Variants in GALNT13 observed in about 807,000 individuals in gnomAD.
The protein encoded by GALNT13 is UDP-GalNAc:polypeptide N-acetylgalactosaminyltransferase 13.
Under a neutral mutation model 64.2 loss-of-function variants are expected in GALNT13, and 28 were observed. That is an observed-to-expected ratio of 0.44 (90% confidence interval 0.32 to 0.60). The LOEUF (loss-of-function observed/expected upper bound fraction) is 0.60, where lower values mean the gene tolerates loss of function less well. GALNT13 is among the 20% of genes least tolerant of loss of function. GALNT13 has a pLI of 0.05. For missense variants in GALNT13, 577 were observed against 669.8 expected (o/e 0.86, Z 1.53); for synonymous variants, 214 against 224.6 (o/e 0.95, Z 0.42).
the GALNT13 span, among the ~76,000 whole-genome samples, chr2:153,403,924 T>C: frequency 1.3e-5 from 2 of 152,234 alleles, no homozygotes; most frequent in African/African-American, 4.8e-5. Flanking sequence ...AGACCGGAGC[T>C]GTTCCTATTC....
chr2:153,582,597 C>T, the GALNT13 span, among the ~76,000 whole-genome samples: 1 of 151,968 alleles, frequency 6.6e-6, no homozygotes, highest in East Asian at 1.9e-4. Context: ...ATGATTTTTG[C>T]TTTCTACCAT....
At chr2:153,550,401 T>A in the GALNT13 span, among the ~76,000 whole-genome samples, 1 of 143,254 alleles carries the variant, frequency 7.0e-6, no homozygotes, top group Non-Finnish European at 1.5e-5. Context: ...CACTCAGCTA[T>A]TTTTTTTTTT....
At chr2:153,616,945 T>C in the GALNT13 span, among the ~76,000 whole-genome samples, 1 of 151,924 alleles carries the variant, frequency 6.6e-6, no homozygotes, top group Admixed American at 6.6e-5. Context: ...ACCAGATATA[T>C]AAAGCAAATA....
At chr2:154,304,554 A>C (rs1263561238) in intron 9 of GALNT13, among the ~76,000 whole-genome samples, 1 of 152,220 alleles carries the variant, frequency 6.6e-6, no homozygotes, top group East Asian at 1.9e-4. Flanking sequence ...ATTTGTGAAA[A>C]GTAATGTGCT....
At chr2:153,109,870 T>C in the GALNT13 span, among the ~76,000 whole-genome samples, 2 of 152,114 alleles carry the variant, frequency 1.3e-5, no homozygotes, top group Non-Finnish European at 2.9e-5. Flanking sequence ...TTGTAGACTT[T>C]TGTTCTGCTT....
chr2:153,620,554 C>T, the GALNT13 span, among the ~76,000 whole-genome samples: 28 of 151,948 alleles, frequency 1.8e-4, no homozygotes, highest in Non-Finnish European at 2.9e-4. Context: ...CATAAGACTC[C>T]GAGGCATTCT....
chr2:154,197,324 G>T (rs895855212), intron 4 of GALNT13, among the ~76,000 whole-genome samples: 3 of 152,016 alleles, frequency 2.0e-5, no homozygotes, highest in African/African-American at 7.3e-5. Context: ...TAAGGGACCA[G>T]AAACTTTCAT....
chr2:154,340,854 AGTT>A (rs1161902313), intron 9 of GALNT13, among the ~76,000 whole-genome samples: 1 of 151,998 alleles, frequency 6.6e-6, no homozygotes, highest in Non-Finnish European at 1.5e-5. Flanking sequence ...TTCCAATAAT[AGTT>A]AAGTTAGGCA....
chr2:153,864,296 G>T, the GALNT13 span, among the ~76,000 whole-genome samples: 1 of 151,992 alleles, frequency 6.6e-6, no homozygotes, highest in Non-Finnish European at 1.5e-5. Flanking sequence ...GCCCAATCAA[G>T]AATTCAAAAC....
At chr2:153,342,903 G>A in the GALNT13 span, among the ~76,000 whole-genome samples, 3 of 152,068 alleles carry the variant, frequency 2.0e-5, no homozygotes, top group African/African-American at 4.8e-5. Flanking sequence ...TGATTTCTTG[G>A]TAATTTGTGG....
chr2:153,368,739 T>C, the GALNT13 span, among the ~76,000 whole-genome samples: 1 of 152,100 alleles, frequency 6.6e-6, no homozygotes, highest in African/African-American at 2.4e-5. Flanking sequence ...TACTTCACCA[T>C]TCTTCTGTCA....
intron 3 of GALNT13, among the ~76,000 whole-genome samples, chr2:154,049,424 TG>T (rs1574409876): frequency 6.8e-6 from 1 of 147,184 alleles, no homozygotes; most frequent in South Asian, 2.1e-4. Context: ...ATGGATATAA[TG>T]GTATATATAC....
chr2:154,220,832 GA>G (rs1437265298), intron 4 of GALNT13, among the ~76,000 whole-genome samples: 7 of 152,016 alleles, frequency 4.6e-5, no homozygotes, highest in African/African-American at 1.7e-4. Flanking sequence ...AAAGATTGCA[GA>G]AGTTTGTAAA....
rs931390024 is a variant in GALNT13 at position 154,411,700 on chromosome 2, G to A, written c.1395+2618G>A. Among the ~76,000 whole-genome samples, 3 of 151,724 alleles carry A rather than the reference G, an allele frequency of 2.0e-5. No homozygotes were observed. In the East Asian group the frequency reaches 5.8e-4, roughly 29 times the overall value. ...AGTGGATATCTGGAAAGAAGACTGA[G>A]TTGGAAAAGAAATTTTCCTTTTTAC... On this transcript the variant is annotated intron_variant, in intron 11 of 12. Transcript: ENST00000392825.
chr2:153,740,658 G>A, the GALNT13 span, among the ~76,000 whole-genome samples: 2 of 151,992 alleles, frequency 1.3e-5, no homozygotes, highest in African/African-American at 4.8e-5. Context: ...TTTTTGTGGA[G>A]ACTTATGTCT....
chr2:154,176,965 T>C (rs1482529911), intron 4 of GALNT13, among the ~76,000 whole-genome samples: 1 of 152,160 alleles, frequency 6.6e-6, no homozygotes, highest in Non-Finnish European at 1.5e-5. Context: ...TGGGAACTTA[T>C]TAGATATGCA....
chr2:154,103,050 T>TGATGTATATG (rs1228007439), intron 3 of GALNT13, among the ~76,000 whole-genome samples: 1 of 152,150 alleles, frequency 6.6e-6, no homozygotes, highest in East Asian at 1.9e-4. Flanking sequence ...ATGATGTCTA[T>TGATGTATATG]ATCTCTAGCA....
intron 9 of GALNT13, among the ~76,000 whole-genome samples, chr2:154,341,321 G>C (rs191299615): frequency 6.6e-6 from 1 of 152,184 alleles, no homozygotes; most frequent in East Asian, 1.9e-4. Flanking sequence ...CTCTTGTATA[G>C]AGTTCACATT....
At chr2:154,193,294 A>G (rs1403411215) in intron 4 of GALNT13, among the ~76,000 whole-genome samples, 1 of 152,232 alleles carries the variant, frequency 6.6e-6, no homozygotes, top group Non-Finnish European at 1.5e-5. Flanking sequence ...TCAAATGATA[A>G]CTGATATCTC....
Sources: gnomAD v4.1 joint callset for allele counts (sites outside exome capture counted in the v4.1 genomes callset) on GRCh38, gnomAD v4.1.1 for gene constraint, MANE v1.5 for transcripts, NCBI Gene and HGNC (gene_info 2026-07-23, HGNC 2026-07-21) for gene names.